CFAP58: variants seen among roughly 807,000 people sequenced by gnomAD.
The protein encoded by CFAP58 is cilia and flagella associated protein 58.
A neutral mutation model predicts 119.5 loss-of-function variants in CFAP58; 88 were observed. The ratio of observed to expected loss-of-function variants is 0.74; its 90% CI spans 0.62 to 0.88. The LOEUF is 0.88. CFAP58 is among the 40% of genes least tolerant of loss of function. The pLI is 0.00. For missense variants in CFAP58, 990 were observed against 1,021.2 expected, an observed-to-expected ratio of 0.97 and a Z score of 0.42; for synonymous variants, 365 against 366.3, an observed-to-expected ratio of 1.00 and a Z score of 0.04.
Position 104,378,563 on chromosome 10 carries a change from G to A in CFAP58, c.1174-1466G>A, listed in dbSNP as rs183719295. Reference sequence around the variant, plus strand: ...TTGGAAACTGGCCTGGCATTCTTGGGATGAAAGCATCTCTCTCTGCCAGTT... The same window carrying A: ...TTGGAAACTGGCCTGGCATTCTTGGAATGAAAGCATCTCTCTCTGCCAGTT... On this transcript the variant is annotated intron_variant, in intron 8 of 17. Coordinates refer to ENST00000369704, the MANE Select transcript of CFAP58 (RefSeq NM_001008723.2). Among the ~76,000 whole-genome samples, 406 of 152,288 alleles carry A rather than the reference G, an allele frequency of 2.7e-3. 3 individuals carry two copies. The highest frequency in any genetic ancestry group is 9.2e-3 in the African/African-American group (383 of 41,548).
chr10:104,453,297 C>A (rs1334758), intron 17 of CFAP58, among the ~76,000 whole-genome samples: 13,460 of 152,104 alleles, frequency 0.088, 1,140 homozygotes, highest in African/African-American at 0.22. Flanking sequence ...GGTTTTTCAC[C>A]ATAATGAAAT....
chr10:104,429,604 T>C (rs2012810179), intron 15 of CFAP58, among the ~76,000 whole-genome samples: 1 of 152,226 alleles, frequency 6.6e-6, no homozygotes, highest in Non-Finnish European at 1.5e-5. Flanking sequence ...CAATTCCTCT[T>C]TGATATTGAA....
rs1351002390 is a variant in CFAP58 at position 104,413,474 on chromosome 10, ATTTCT to A, written c.2256+6688_2256+6692del. ...GGAATCTAAGGTATGAACAGGAAGG[ATTTCT>A]TTTCTTCTGCTCACCAAGCTACTCT... is the stretch of plus-strand genomic sequence containing the variant. On this transcript the variant is annotated intron_variant, in intron 15 of 17. Transcript: ENST00000369704. Among the ~76,000 whole-genome samples the A allele has an allele frequency of 2.0e-5, 3 of 152,128 alleles. No individual in the cohort carries two copies. The East Asian group carries it at 5.8e-4, about 29-fold the overall frequency.
chr10:104,382,200 A>G (rs1427560847), intron 9 of CFAP58: 1 of 717,302 alleles, frequency 1.4e-6, no homozygotes, highest in Non-Finnish European at 2.6e-6. Context: ...GGAGCTTCTG[A>G]GCCTCTGCTG....
chr10:104,369,788 C>T (rs893657864), intron 6 of CFAP58, among the ~76,000 whole-genome samples: 1 of 152,194 alleles, frequency 6.6e-6, no homozygotes. Flanking sequence ...TTGGTCTCTT[C>T]ATTGTTATGA....
At chr10:104,424,676 T>C (rs1217647433) in intron 15 of CFAP58, among the ~76,000 whole-genome samples, 1 of 152,146 alleles carries the variant, frequency 6.6e-6, no homozygotes, top group Admixed American at 6.6e-5. Context: ...CAGTAAACAA[T>C]ACACAATGAC....
chr10:104,388,182 C>A (rs2011962738), intron 9 of CFAP58, among the ~76,000 whole-genome samples: 1 of 152,144 alleles, frequency 6.6e-6, no homozygotes, highest in African/African-American at 2.4e-5. Flanking sequence ...AAGCATGCTT[C>A]ATATCATTAC....
the CFAP58 span, among the ~76,000 whole-genome samples, chr10:104,343,766 T>G: frequency 2.0e-5 from 3 of 152,350 alleles, no homozygotes; most frequent in East Asian, 5.8e-4. Context: ...ATTTATTTAA[T>G]TTGAGCTAGA....
At chr10:104,353,680 G>C (rs527844094), upstream of CFAP58, 50 of 546,586 alleles carry the variant, frequency 9.1e-5, no homozygotes, top group Non-Finnish European at 1.5e-4. Context: ...ACCCTGCCCA[G>C]GTGCCAGCCG....
At chr10:104,448,066 G>C (rs1471058109) in intron 16 of CFAP58, among the ~76,000 whole-genome samples, 1 of 152,252 alleles carries the variant, frequency 6.6e-6, no homozygotes, top group Admixed American at 6.5e-5. Flanking sequence ...AGGAAAAGAT[G>C]ATGACAACAG....
chr10:104,438,051 A>G (rs554412502), intron 15 of CFAP58, among the ~76,000 whole-genome samples: 126 of 152,332 alleles, frequency 8.3e-4, no homozygotes, highest in African/African-American at 2.9e-3. Context: ...ACTCAACCTT[A>G]TTTTATAAGG....
In CFAP58 at chr10:104,421,787, A is replaced by G. The variant is rs1476884837; in HGVS notation, c.2256+14994A>G. On this transcript the variant is annotated intron_variant, in intron 15 of 17. Coordinates refer to ENST00000369704, the MANE Select transcript of CFAP58 (RefSeq NM_001008723.2). ...TATAGGTAATAGTAGTGCCTATCAC[A>G]TAAGATTTCAGTGTAAATTAAACAA... 3.9e-5 allele frequency among the ~76,000 whole-genome samples: 6 copies of G among 152,388 alleles called. No individual in the cohort carries two copies. The East Asian group carries it at 1.2e-3, about 29-fold the overall frequency.
chr10:104,340,546 A>G, the CFAP58 span, among the ~76,000 whole-genome samples: 1 of 152,274 alleles, frequency 6.6e-6, no homozygotes, highest in Admixed American at 6.5e-5. Flanking sequence ...ACACTGTGCT[A>G]ACTCGAGAAA....
chr10:104,393,332 GA>G lies in CFAP58; in HGVS notation c.1534del (p.Ile512Ter). The G allele has an allele frequency of 6.2e-7, 1 of 1,611,974 alleles. No individual in the cohort carries two copies. The highest frequency in any genetic ancestry group is 8.5e-7 in the Non-Finnish European group (1 of 1,178,424). On this transcript the variant is annotated frameshift_variant, in exon 11 of 18. Transcript: ENST00000369704. LOFTEE classifies it high-confidence loss of function. ...ATTTCTCCTTTCATTTGGTTAGGAT[GA>G]AATAACAGATATGAAGAGAAAGTTA... is the stretch of plus-strand genomic sequence containing the variant. ...YSKNLVEAQD[E>X]ITDMKRKLKI...
chr10:104,400,007 T>G (rs953766808), intron 12 of CFAP58, among the ~76,000 whole-genome samples: 1 of 152,116 alleles, frequency 6.6e-6, no homozygotes, highest in Non-Finnish European at 1.5e-5. Context: ...AGTTGGTCAG[T>G]GCAAGACAGA....
rs1564875410 is a variant in CFAP58 at position 104,357,826 on chromosome 10, CACATATATGT to C, written c.10-511_10-502del. The stretch of plus-strand genomic sequence containing the variant: ...ACACACATATATATGTACATATATA[CACATATATGT>C]ACACATATGTACACATATATACACA... On this transcript the variant is annotated intron_variant, in intron 1 of 17. Transcript: ENST00000369704. 5.5e-4 allele frequency among the ~76,000 whole-genome samples: 80 copies of C among 144,154 alleles called. 4 individuals are homozygous for C. Among genetic ancestry groups the C allele is most frequent in the African/African-American group, 1.9e-3 (75 of 38,626 alleles). The allele number at this position is 144,154 out of a possible 152,430, so 94.6% of individuals were successfully genotyped here.
At chr10:104,387,266 A>C (rs12266828) in intron 9 of CFAP58, among the ~76,000 whole-genome samples, 33,238 of 152,122 alleles carry the variant, frequency 0.22, 3,698 homozygotes, top group Middle Eastern at 0.35. Context: ...GCTGACCTAA[A>C]CTGGGCTTGC....
chr10:104,361,821 G>A (rs772440800), intron 2 of CFAP58, among the ~76,000 whole-genome samples: 3 of 152,216 alleles, frequency 2.0e-5, no homozygotes, highest in Non-Finnish European at 2.9e-5. Flanking sequence ...GAGTAGCTGA[G>A]ACTATAGGCC....
chr10:104,417,037 G>C lies in CFAP58; in HGVS notation c.2256+10244G>C, dbSNP rs148617429. The stretch of plus-strand genomic sequence containing the variant: ...AGCTCTTTAGAAATGCAGGATCCCT[G>C]GACCCCCTGAGGCTTAATGAATAAG... On this transcript the variant is annotated intron_variant, in intron 15 of 17. Transcript: ENST00000369704. Among the ~76,000 whole-genome samples the C allele has an allele frequency of 2.2e-3, 331 of 152,266 alleles. 1 individual carries two copies. Among genetic ancestry groups the C allele is most frequent in the African/African-American group, 7.8e-3 (323 of 41,554 alleles).
Sources: allele counts gnomAD v4.1 joint callset (sites outside exome capture counted in the v4.1 genomes callset), GRCh38; gene constraint gnomAD v4.1.1; transcripts MANE v1.5; gene names NCBI Gene and HGNC (gene_info 2026-07-23, HGNC 2026-07-21).